The following ATXN8OS variants were observed in gnomAD, a reference collection of about 807,000 sequenced individuals.
ATXN8OS encodes the protein ATXN8 opposite strand lncRNA.
chr13:70,153,065 TA>T (rs1888892633), intron 4 of ATXN8OS, among the ~76,000 whole-genome samples: 1 of 148,144 alleles, frequency 6.8e-6, no homozygotes, highest in African/African-American at 2.5e-5. Context: ...TAGACTGTTA[TA>T]AGGCATACGA....
At chr13:70,122,590 G>A (rs1888375413) in intron 2 of ATXN8OS, among the ~76,000 whole-genome samples, 1 of 151,916 alleles carries the variant, frequency 6.6e-6, no homozygotes, top group Non-Finnish European at 1.5e-5. Flanking sequence ...CTCTCCATGA[G>A]TCAAAATGAC....
At chr13:70,166,341 GA>G (rs1313130300) in intron 4 of ATXN8OS, among the ~76,000 whole-genome samples, 1 of 151,950 alleles carries the variant, frequency 6.6e-6, no homozygotes, top group East Asian at 1.9e-4. Context: ...GAACAGAACA[GA>G]ACCCTCAGAA....
intron 2 of ATXN8OS, among the ~76,000 whole-genome samples, chr13:70,117,195 T>C (rs1888292122): frequency 6.6e-6 from 1 of 152,040 alleles, no homozygotes. Context: ...TTGGATGCTC[T>C]CATCTCTCCC....
chr13:70,152,474 CATAT>C (rs536295268), intron 4 of ATXN8OS, among the ~76,000 whole-genome samples: 4 of 151,570 alleles, frequency 2.6e-5, no homozygotes, highest in Non-Finnish European at 4.4e-5. Flanking sequence ...CATGTATACA[CATAT>C]ATATACACAC....
At chr13:70,134,778 T>G (rs919289304) in intron 3 of ATXN8OS, among the ~76,000 whole-genome samples, 3 of 152,142 alleles carry the variant, frequency 2.0e-5, no homozygotes, top group Non-Finnish European at 4.4e-5. Context: ...CTGGCTTACA[T>G]GTACCAGAAT....
chr13:70,138,553 T>A (rs1888651584), intron 3 of ATXN8OS, among the ~76,000 whole-genome samples: 1 of 152,112 alleles, frequency 6.6e-6, no homozygotes, highest in Non-Finnish European at 1.5e-5. Flanking sequence ...TGCTATAGAT[T>A]TATTAATAAA....
intron 3 of ATXN8OS, among the ~76,000 whole-genome samples, chr13:70,138,335 A>C (rs900988197): frequency 7.4e-6 from 1 of 135,604 alleles, no homozygotes; most frequent in Admixed American, 7.4e-5. Context: ...AAAAAAAAAA[A>C]AGTTAACTTT....
intron 4 of ATXN8OS, among the ~76,000 whole-genome samples, chr13:70,151,885 T>C (rs992924430): frequency 5.3e-5 from 8 of 152,088 alleles, no homozygotes; most frequent in African/African-American, 1.7e-4. Flanking sequence ...TTTTGAGATA[T>C]ATTATTGAGG....
chr13:70,151,141 T>C (rs1233656769), intron 4 of ATXN8OS, among the ~76,000 whole-genome samples: 1 of 152,100 alleles, frequency 6.6e-6, no homozygotes, highest in Non-Finnish European at 1.5e-5. Flanking sequence ...TTTTGTTTGT[T>C]GTTGCTGTAA....
intron 4 of ATXN8OS, among the ~76,000 whole-genome samples, chr13:70,161,650 C>T (rs78924265): frequency 6.6e-6 from 1 of 151,998 alleles, no homozygotes; most frequent in Non-Finnish European, 1.5e-5. Flanking sequence ...TGATTATTTT[C>T]TGTATTCTTG....
At chr13:70,158,332 C>T (rs552803233) in intron 4 of ATXN8OS, among the ~76,000 whole-genome samples, 13 of 152,112 alleles carry the variant, frequency 8.5e-5, no homozygotes, top group Non-Finnish European at 1.6e-4. Context: ...GCAGGAGAAT[C>T]GCTTGAACCT....
chr13:70,158,185 C>T (rs186105502), intron 4 of ATXN8OS, among the ~76,000 whole-genome samples: 100 of 152,016 alleles, frequency 6.6e-4, no homozygotes, highest in Admixed American at 2.4e-3. Flanking sequence ...TTTGGGAGGC[C>T]GAGGCAGGCA....
At chr13:70,136,405 A>G (rs750830034) in intron 3 of ATXN8OS, among the ~76,000 whole-genome samples, 2 of 151,916 alleles carry the variant, frequency 1.3e-5, no homozygotes, top group Non-Finnish European at 2.9e-5. Flanking sequence ...ACTTCACCAC[A>G]TCATATCCAA....
chr13:70,134,388 G>C (rs1475456399), intron 3 of ATXN8OS, among the ~76,000 whole-genome samples: 2 of 152,192 alleles, frequency 1.3e-5, no homozygotes, highest in African/African-American at 4.8e-5. Flanking sequence ...CATTATAGGA[G>C]ACATAATCTT....
intron 4 of ATXN8OS, among the ~76,000 whole-genome samples, chr13:70,169,544 C>T (rs757641491): frequency 6.6e-5 from 10 of 152,194 alleles, no homozygotes; most frequent in African/African-American, 1.7e-4. Context: ...TCCACCCGCT[C>T]GGCCTCCCAA....
intron 4 of ATXN8OS, among the ~76,000 whole-genome samples, chr13:70,162,164 C>T (rs180974878): frequency 1.3e-5 from 2 of 152,110 alleles, no homozygotes; most frequent in Admixed American, 6.6e-5. Flanking sequence ...TAAGTACATA[C>T]GCTAGCCTGA....
intron 2 of ATXN8OS, among the ~76,000 whole-genome samples, chr13:70,122,487 C>G (rs1888373517): frequency 6.6e-6 from 1 of 150,656 alleles, no homozygotes; most frequent in Non-Finnish European, 1.5e-5. Context: ...TCATTATCTC[C>G]TGTCCTTCTT....
chr13:70,134,190 G>A (rs868119231), intron 3 of ATXN8OS, among the ~76,000 whole-genome samples: 2 of 152,126 alleles, frequency 1.3e-5, no homozygotes, highest in Non-Finnish European at 2.9e-5. Context: ...TAGGCCATCC[G>A]TATTGTCAAA....
chr13:70,116,278 G>A (rs1235300959), intron 2 of ATXN8OS, among the ~76,000 whole-genome samples: 1 of 152,010 alleles, frequency 6.6e-6, no homozygotes, highest in Non-Finnish European at 1.5e-5. Flanking sequence ...ACATCATCCA[G>A]GGAGATAAAT....
Sources: gnomAD v4.1 joint callset for allele counts (sites outside exome capture counted in the v4.1 genomes callset) on GRCh38, gnomAD v4.1.1 for gene constraint, MANE v1.5 for transcripts, NCBI Gene and HGNC (gene_info 2026-07-23, HGNC 2026-07-21) for gene names.